NLRP8: variants seen among roughly 807,000 people sequenced by gnomAD.
The protein encoded by NLRP8 is NACHT, LRR and PYD domains-containing protein 8.
NLRP8 carries 86 observed loss-of-function variants against 88.7 expected under a neutral mutation model. The observed-to-expected ratio is 0.97, with a 90% CI of 0.81 to 1.16. The LOEUF (loss-of-function observed/expected upper bound fraction) is 1.16, where lower values mean the gene tolerates loss of function less well. NLRP8 is among the 50% of genes most tolerant of loss of function. NLRP8 has a pLI of 0.00. For missense variants in NLRP8, 1,342 were observed against 1,286.5 expected, an observed-to-expected ratio of 1.04 and a Z score of -0.66; for synonymous variants, 504 against 494.6, an observed-to-expected ratio of 1.02 and a Z score of -0.25.
chr19:55,959,100 G>A (rs1979502364), intron 3 of NLRP8, among the ~76,000 whole-genome samples: 1 of 148,110 alleles, frequency 6.8e-6, no homozygotes, highest in Non-Finnish European at 1.5e-5. Flanking sequence ...GGATGGTCTC[G>A]ATCTCCTGAC....
rs1206183426 is a variant in NLRP8, at chr19:55,955,563, A to G, written c.1505A>G (p.His502Arg). ...CGGAGAATTGCAGGTGAGGAAGACCACTATGTCTTTACCCTCGTGACTTTT... is the reference window on the plus strand; with the variant it reads ...CGGAGAATTGCAGGTGAGGAAGACCGCTATGTCTTTACCCTCGTGACTTTT... The change falls in exon 3 of 10, where the codon CAC becomes CGC. Residue 502 changes from histidine to arginine, a missense_variant. Coordinates refer to ENST00000291971, the MANE Select transcript of NLRP8 (RefSeq NM_176811.2). 1 of 1,614,070 alleles carries G rather than the reference A, an allele frequency of 6.2e-7. No individual in the cohort carries two copies. The highest frequency in any genetic ancestry group is 1.3e-5 in the African/African-American group (1 of 74,926).
At chr19:55,971,210 C>T (rs548132381) in intron 6 of NLRP8, among the ~76,000 whole-genome samples, 75 of 152,200 alleles carry the variant, frequency 4.9e-4, no homozygotes, top group African/African-American at 1.5e-3. Context: ...GAGGCCGAGG[C>T]GGGCGGATCA....
intron 5 of NLRP8, among the ~76,000 whole-genome samples, chr19:55,968,729 G>A (rs1600308227): frequency 6.6e-6 from 1 of 152,064 alleles, no homozygotes; most frequent in East Asian, 1.9e-4. Flanking sequence ...AACAAGAGCA[G>A]GACTCTGTCT....
intron 4 of NLRP8, 131 bp downstream of exon 4, chr19:55,962,368 C>G: frequency 1.0e-6 from 1 of 979,068 alleles, no homozygotes; most frequent in South Asian, 1.7e-5. Flanking sequence ...GACGGAGGTG[C>G]AGGAGGAATG....
chr19:55,972,803 GTGTGTA>G (rs1304661421), intron 6 of NLRP8, among the ~76,000 whole-genome samples: 921 of 70,360 alleles, frequency 0.013, 26 homozygotes, highest in Admixed American at 0.1. Context: ...GTGTGTGTGT[GTGTGTA>G]TGTGTGTGTG....
intron 4 of NLRP8, among the ~76,000 whole-genome samples, chr19:55,963,318 T>C (rs904021088): frequency 6.6e-6 from 1 of 152,096 alleles, no homozygotes; most frequent in Non-Finnish European, 1.5e-5. Flanking sequence ...CCAGCCCCCA[T>C]TTTTTAGCAA....
At chr19:55,962,339 G>A (rs1979651957) in intron 4 of NLRP8, 102 bp downstream of exon 4, 2 of 1,275,216 alleles carry the variant, frequency 1.6e-6, no homozygotes, top group Admixed American at 4.6e-5. Flanking sequence ...CTTCCGGAAA[G>A]CACCCATGTC....
chr19:55,970,223 T>G (rs552285618), intron 5 of NLRP8, among the ~76,000 whole-genome samples: 1 of 152,328 alleles, frequency 6.6e-6, no homozygotes, highest in South Asian at 2.1e-4. Flanking sequence ...AAATATTACA[T>G]TGGACCCTAT....
At position 55,955,496 on chromosome 19, in the gene NLRP8, G is replaced by C; in HGVS notation, c.1438G>C (p.Asp480His). The change falls in exon 3 of 10, where the codon GAT becomes CAT. Residue 480 changes from aspartate to histidine, a missense_variant. Asp to His is a moderately conservative substitution (Grantham distance 81). Transcript: ENST00000291971. ...AGAAGATCTTGAGGAAGCCAAGCTG[G>C]ATCAGACGGGAGTCACCGCCTTCCT... 3 of 1,614,196 alleles carry C rather than the reference G, an allele frequency of 1.9e-6. No individual in the cohort carries two copies. Among genetic ancestry groups the C allele is most frequent in the Non-Finnish European group, 2.5e-6 (3 of 1,180,016 alleles).
At chr19:55,972,169 C>T (rs1476769972) in intron 6 of NLRP8, among the ~76,000 whole-genome samples, 1 of 146,440 alleles carries the variant, frequency 6.8e-6, no homozygotes, top group East Asian at 2.0e-4. Flanking sequence ...GGCTGGAGTG[C>T]AGTGGTGTGA....
At chr19:55,958,044 G>A (rs1463514306) in intron 3 of NLRP8, among the ~76,000 whole-genome samples, 1 of 152,120 alleles carries the variant, frequency 6.6e-6, no homozygotes, top group Non-Finnish European at 1.5e-5. Flanking sequence ...CTGGAGGTCA[G>A]GTGTATGGAG....
At chr19:55,987,133 C>T (rs553241684) in intron 9 of NLRP8, among the ~76,000 whole-genome samples, 6 of 152,312 alleles carry the variant, frequency 3.9e-5, no homozygotes, top group African/African-American at 1.4e-4. Flanking sequence ...CTTTGGGAGG[C>T]CGAGGCAGGT....
In NLRP8 at chr19:55,952,823, G is replaced by A. The variant is rs868755178; in HGVS notation, c.442+211G>A. Among the ~76,000 whole-genome samples the A allele has an allele frequency of 7.9e-5, 12 of 152,330 alleles. 1 individual carries two copies. Among genetic ancestry groups the A allele is most frequent in the South Asian group, 2.1e-4 (1 of 4,828 alleles). On this transcript the variant is annotated intron_variant, in intron 2 of 9. Transcript: ENST00000291971. The stretch of plus-strand genomic sequence containing the variant: ...TGCCTGTAGTCCCAGCTACTTGGGA[G>A]GCTGAGTGAGAAGAATTGCTTGAAC...
At chr19:55,975,276 G>T (rs1980259731) in intron 7 of NLRP8, among the ~76,000 whole-genome samples, 1 of 152,202 alleles carries the variant, frequency 6.6e-6, no homozygotes, top group African/African-American at 2.4e-5. Context: ...TGAAAGGCAA[G>T]AGGTGGCGCA....
At chr19:55,957,724 T>A (rs1283672696) in intron 3 of NLRP8, among the ~76,000 whole-genome samples, 58 of 96,342 alleles carry the variant, frequency 6.0e-4, no homozygotes, top group East Asian at 1.3e-3. Context: ...TATATATATA[T>A]AAAATAAGGT....
chr19:55,960,897 C>CTTTTTT lies in NLRP8; in HGVS notation c.2043-1153_2043-1148dup, dbSNP rs36087472. Among the ~76,000 whole-genome samples, 312 of 91,030 alleles carry CTTTTTT rather than the reference C, an allele frequency of 3.4e-3. 6 individuals carry two copies. The highest frequency in any genetic ancestry group is 8.1e-3 in the African/African-American group (182 of 22,430). The allele number at this position is 91,030 out of a possible 152,430, so 59.7% of individuals were successfully genotyped here. A position where few individuals can be genotyped will look rare whatever the true frequency, so the allele number is the denominator to read the frequency against. On this transcript the variant is annotated intron_variant, in intron 3 of 9. Coordinates refer to ENST00000291971, the MANE Select transcript of NLRP8 (RefSeq NM_176811.2). ...TTTTGGGTTGCTTTCAACTATTTCT[C>CTTTTTT]TTTTTTTTTTTTTTTTTTTTTTGAG...
chr19:55,952,262 T>G (rs2123183969), intron 1 of NLRP8, among the ~76,000 whole-genome samples: 1 of 152,286 alleles, frequency 6.6e-6, no homozygotes, highest in South Asian at 2.1e-4. Flanking sequence ...GTATTTATAT[T>G]TCTCCCTCAG....
At position 55,988,483 on chromosome 19, in the gene NLRP8, TAAATG is replaced by T. The variant is rs1980976847; in HGVS notation, c.*576_*580del. The T allele has an allele frequency of 1.4e-5, 2 of 139,614 alleles. No homozygotes were observed. The highest frequency in any genetic ancestry group is 5.4e-5 in the African/African-American group (2 of 37,270). 8.6% of individuals were successfully genotyped at this position (139,614 alleles called of 1,614,324 possible). A position where few individuals can be genotyped will look rare whatever the true frequency, so the allele number is the denominator to read the frequency against. On this transcript the variant is annotated 3_prime_UTR_variant, in exon 10 of 10. Coordinates refer to ENST00000291971, the MANE Select transcript of NLRP8 (RefSeq NM_176811.2). The stretch of plus-strand genomic sequence containing the variant: ...ATATATATATATGCTATATAAAGTT[TAAATG>T]AAATGCTTTGAGTCACCTAAGACAG...
chr19:55,956,068 G>C lies in NLRP8; in HGVS notation c.2010G>C (p.Trp670Cys), dbSNP rs778481000. The change falls in exon 3 of 10, where the codon TGG becomes TGC. Residue 670 changes from tryptophan (W) to cysteine (C), a missense_variant. By Grantham distance (215) the Trp-to-Cys change is radical (BLOSUM62 -2). Transcript: ENST00000291971. ...TCACCCTGAACTTCATGAACGTGTG[G>C]AAGCTCAGCTCCAGCTCCCATCCTG... The C allele has an allele frequency of 3.1e-6, 5 of 1,613,796 alleles. No homozygotes were observed. Among genetic ancestry groups the C allele is most frequent in the Non-Finnish European group, 4.2e-6 (5 of 1,179,804 alleles).
Sources: gnomAD v4.1 joint callset for allele counts (sites outside exome capture counted in the v4.1 genomes callset) on GRCh38, gnomAD v4.1.1 for gene constraint, MANE v1.5 for transcripts, NCBI Gene and HGNC (gene_info 2026-07-23, HGNC 2026-07-21) for gene names.